The following CPED1 variants were observed in gnomAD, a reference collection of about 807,000 sequenced individuals.
CPED1 encodes the protein cadherin-like and PC-esterase domain-containing protein 1.
A neutral mutation model predicts 128.2 loss-of-function variants in CPED1; 114 were observed. The observed-to-expected ratio is 0.89, with a 90% confidence interval of 0.76 to 1.04. CPED1 has a LOEUF of 1.04. Ranked by LOEUF, CPED1 falls within the 50% of genes least tolerant of loss-of-function variation. The pLI, the probability that CPED1 is intolerant of heterozygous loss-of-function variation, is 0.00. For missense variants in CPED1, 1,211 were observed against 1,207.1 expected (o/e 1.00, Z -0.05); for synonymous variants, 462 against 426.7 (o/e 1.08, Z -1.02).
intron 16 of CPED1, among the ~76,000 whole-genome samples, chr7:121,158,910 A>G (rs1193001442): frequency 6.6e-6 from 1 of 152,218 alleles, no homozygotes; most frequent in Non-Finnish European, 1.5e-5. Flanking sequence ...TTTCATGTTA[A>G]GAGGAAGGAT....
At position 121,127,170 on chromosome 7, in the gene CPED1, C is replaced by T; in HGVS notation, c.1215C>T (p.Asp405=). The change falls in exon 10 of 23, where the codon GAC becomes GAT. Residue 405 remains aspartate (D), a synonymous_variant. Coordinates refer to ENST00000310396, the MANE Select transcript of CPED1 (RefSeq NM_024913.5). The stretch of plus-strand genomic sequence containing the variant: ...ATACAGAAGAATTCCTTTTAAATGA[C>T]ACTTTCAATTTTCTCTTCCCTAATG... The part of the protein sequence containing the change: ...DQNTEEFLLN[D]TFNFLFPNES... 5 of 1,591,530 alleles carry T rather than the reference C, an allele frequency of 3.1e-6. No homozygotes were observed. Among genetic ancestry groups the T allele is most frequent in the Non-Finnish European group, 4.3e-6 (5 of 1,161,582 alleles).
chr7:120,994,968 C>T (rs1751314205), intron 2 of CPED1, among the ~76,000 whole-genome samples: 1 of 152,068 alleles, frequency 6.6e-6, no homozygotes, highest in South Asian at 2.1e-4. Flanking sequence ...TTGAACACCC[C>T]CTTTTCAACC....
rs552706671 is a variant in CPED1 at position 121,028,369 on chromosome 7, G to A, written c.433+12521G>A. Among the ~76,000 whole-genome samples the A allele has an allele frequency of 9.2e-5, 14 of 152,256 alleles. No homozygotes were observed. The South Asian group carries it at 2.7e-3, about 29-fold the overall frequency. On this transcript the variant is annotated intron_variant, in intron 3 of 22. Transcript: ENST00000310396. ...GTATTTCCTATTTAAGTAGTTAGTA[G>A]CCAAACAATTCCTCATTTGCCTTGC...
intron 22 of CPED1, among the ~76,000 whole-genome samples, chr7:121,278,462 G>C (rs561808610): frequency 1.3e-5 from 2 of 152,142 alleles, no homozygotes; most frequent in African/African-American, 4.8e-5. Context: ...CCCACCAGGA[G>C]AATGTTCCTA....
In CPED1 at chr7:121,132,244, A is replaced by C. The variant is rs141833612; in HGVS notation, c.1578-1579A>C. Reference sequence around the variant, plus strand: ...AAGATGGGTTGTTTGTTCAGGTTACAAAGCTAATAGAAATAGAGTTGGAAC... The same window carrying C: ...AAGATGGGTTGTTTGTTCAGGTTACCAAGCTAATAGAAATAGAGTTGGAAC... On this transcript the variant is annotated intron_variant, in intron 12 of 22. Transcript: ENST00000310396. Among the ~76,000 whole-genome samples, 725 of 152,202 alleles carry C rather than the reference A, an allele frequency of 4.8e-3. 5 individuals carry two copies. The highest frequency in any genetic ancestry group is 0.017 in the African/African-American group (686 of 41,554).
At chr7:121,186,015 T>C (rs1554633) in intron 16 of CPED1, among the ~76,000 whole-genome samples, 151,070 of 152,314 alleles carry the variant, frequency 0.99, 74,931 homozygotes, top group Middle Eastern at 1. Flanking sequence ...CTGGATATAA[T>C]ACTATTATAA....
rs572043916 is a variant in CPED1 at position 121,293,289 on chromosome 7, G to A, written c.2869-2151G>A. On this transcript the variant is annotated intron_variant, in intron 22 of 22. Transcript: ENST00000310396. ...CTGCATCCAGTTCGAAATTCCCAGC[G>A]GTTTTGTTTACACTGTGAGGGGAAA... Among the ~76,000 whole-genome samples, 5 of 152,252 alleles carry A rather than the reference G, an allele frequency of 3.3e-5. No homozygotes were observed. In the East Asian group the frequency reaches 5.8e-4, roughly 18 times the overall value.
intron 14 of CPED1, among the ~76,000 whole-genome samples, chr7:121,138,897 A>T (rs529970294): frequency 6.6e-6 from 1 of 152,042 alleles, no homozygotes; most frequent in Admixed American, 6.6e-5. Flanking sequence ...AAACCTCATG[A>T]TTAATAATAT....
chr7:121,153,819 T>G (rs185797361), intron 16 of CPED1, among the ~76,000 whole-genome samples: 10 of 152,144 alleles, frequency 6.6e-5, no homozygotes, highest in African/African-American at 2.4e-4. Flanking sequence ...TATTGAAAAA[T>G]TTTTTGAAGA....
rs1792814945 is a variant in CPED1 at position 121,295,846 on chromosome 7, A to G, written c.*194A>G. ...CTTCTTACAGCTTTATGAATTCAAG[A>G]TGTGACCTTGAACACCAGTCCATTT... On this transcript the variant is annotated 3_prime_UTR_variant, in exon 23 of 23. Coordinates refer to ENST00000310396, the MANE Select transcript of CPED1 (RefSeq NM_024913.5). The G allele has an allele frequency of 2.8e-5, 14 of 503,792 alleles. No homozygotes were observed. The East Asian group carries it at 4.2e-4, about 15-fold the overall frequency. 31.2% of individuals were successfully genotyped at this position (503,792 alleles called of 1,614,324 possible). A position where few individuals can be genotyped will look rare whatever the true frequency, so the allele number is the denominator to read the frequency against.
At chr7:121,189,760 T>TTA (rs377035175) in intron 16 of CPED1, among the ~76,000 whole-genome samples, 574 of 47,444 alleles carry the variant, frequency 0.012, 9 homozygotes, top group Non-Finnish European at 0.016. Flanking sequence ...TTATGAGGTT[T>TTA]TATATATATA....
chr7:121,242,942 C>T (rs1798434482), intron 17 of CPED1, among the ~76,000 whole-genome samples: 1 of 152,094 alleles, frequency 6.6e-6, no homozygotes, highest in Admixed American at 6.6e-5. Context: ...ACTATTTCCA[C>T]ATACACAAAC....
chr7:121,189,760 T>TTTTATATA (rs1472274298), intron 16 of CPED1, among the ~76,000 whole-genome samples: 8 of 47,474 alleles, frequency 1.7e-4, no homozygotes, highest in Non-Finnish European at 2.3e-4. Context: ...TTATGAGGTT[T>TTTTATATA]TATATATATA....
intron 5 of CPED1, among the ~76,000 whole-genome samples, chr7:121,073,154 C>T (rs891861690): frequency 6.6e-6 from 1 of 152,092 alleles, no homozygotes; most frequent in Non-Finnish European, 1.5e-5. Context: ...TTAACACATA[C>T]TTTGTATGCT....
At chr7:121,116,390 A>G (rs991644951) in intron 7 of CPED1, among the ~76,000 whole-genome samples, 2 of 152,224 alleles carry the variant, frequency 1.3e-5, no homozygotes, top group African/African-American at 4.8e-5. Flanking sequence ...ACTAAAACAA[A>G]TGATGAGAGT....
chr7:121,102,007 C>T (rs193216373), intron 7 of CPED1, among the ~76,000 whole-genome samples: 168 of 152,174 alleles, frequency 1.1e-3, no homozygotes, highest in African/African-American at 2.0e-3. Context: ...CTGTCTCATC[C>T]GTTGTTTCTT....
At chr7:121,265,000 A>C (rs1297160116) in intron 18 of CPED1, among the ~76,000 whole-genome samples, 2 of 152,104 alleles carry the variant, frequency 1.3e-5, no homozygotes, top group African/African-American at 4.8e-5. Context: ...TGGCAGTCAA[A>C]ATGTAATAAA....
rs1258548129 is a variant in CPED1 at position 121,296,433 on chromosome 7, GTACTA to G, written c.*783_*787del. 2.0e-5 allele frequency: 3 copies of G among 152,060 alleles called. No homozygotes were observed. Among genetic ancestry groups the G allele is most frequent in the African/African-American group, 7.2e-5 (3 of 41,416 alleles). 9.4% of individuals were successfully genotyped at this position (152,060 alleles called of 1,614,324 possible). A position where few individuals can be genotyped will look rare whatever the true frequency, so the allele number is the denominator to read the frequency against. ...AAAATGTAGTTCCTCATGTATTACT[GTACTA>G]TGTTTCATTGATGATATTACTTAAA... On this transcript the variant is annotated 3_prime_UTR_variant, in exon 23 of 23. Coordinates refer to ENST00000310396, the MANE Select transcript of CPED1 (RefSeq NM_024913.5).
chr7:121,176,304 A>T (rs1341754801), intron 16 of CPED1, among the ~76,000 whole-genome samples: 1 of 151,906 alleles, frequency 6.6e-6, no homozygotes, highest in Non-Finnish European at 1.5e-5. Flanking sequence ...AATATCCATA[A>T]ATAAATCACA....
Sources: gnomAD v4.1 joint callset for allele counts (sites outside exome capture counted in the v4.1 genomes callset) on GRCh38, gnomAD v4.1.1 for gene constraint, MANE v1.5 for transcripts, NCBI Gene and HGNC (gene_info 2026-07-23, HGNC 2026-07-21) for gene names.